ZNF569: variants seen among roughly 807,000 people sequenced by gnomAD.
The protein encoded by ZNF569 is zinc finger protein 569, also known as DNA-binding protein.
In ZNF569, 38 loss-of-function variants were observed where a neutral mutation model predicts 56.3. That is an observed-to-expected ratio of 0.68 (90% confidence interval 0.52 to 0.88). The LOEUF (loss-of-function observed/expected upper bound fraction) is 0.88, where lower values mean the gene tolerates loss of function less well. Ranked by LOEUF, ZNF569 falls within the 40% of genes least tolerant of loss-of-function variation. The pLI, the probability that ZNF569 is intolerant of heterozygous loss-of-function variation, is 0.00. For missense variants in ZNF569, 666 were observed against 809.2 expected (o/e 0.82, Z 2.15); for synonymous variants, 241 against 262.9 (o/e 0.92, Z 0.81).
chr19:37,458,990 G>C (rs796918457), intron 2 of ZNF569, among the ~76,000 whole-genome samples: 1 of 152,034 alleles, frequency 6.6e-6, no homozygotes, highest in East Asian at 1.9e-4. Context: ...AAAATGCACA[G>C]AGGAAAAAGA....
intron 3 of ZNF569, among the ~76,000 whole-genome samples, chr19:37,436,722 A>T (rs1305772108): frequency 6.6e-6 from 1 of 152,038 alleles, no homozygotes; most frequent in Non-Finnish European, 1.5e-5. Flanking sequence ...GAAAACCTAG[A>T]AGAAATAGAT....
At chr19:37,445,657 C>G (rs2041481323) in intron 2 of ZNF569, among the ~76,000 whole-genome samples, 1 of 152,064 alleles carries the variant, frequency 6.6e-6, no homozygotes, top group Admixed American at 6.5e-5. Flanking sequence ...CAACAGCAAC[C>G]AAGCTGAGAA....
chr19:37,457,008 C>T (rs1445205350), intron 2 of ZNF569, among the ~76,000 whole-genome samples: 2 of 151,282 alleles, frequency 1.3e-5, no homozygotes, highest in African/African-American at 4.9e-5. Context: ...AAAACTCAAA[C>T]TACAAAAATG....
intron 2 of ZNF569, among the ~76,000 whole-genome samples, chr19:37,453,203 C>T (rs2041622294): frequency 6.6e-6 from 1 of 152,162 alleles, no homozygotes; most frequent in African/African-American, 2.4e-5. Context: ...GTTAGGGCAT[C>T]TCTTCCTGAC....
chr19:37,424,335 T>C (rs2146883615), intron 5 of ZNF569, among the ~76,000 whole-genome samples: 1 of 152,254 alleles, frequency 6.6e-6, no homozygotes, highest in East Asian at 1.9e-4. Context: ...CTCCCGAAGA[T>C]GCTAATAATA....
At chr19:37,434,583 C>T (rs1281925532) in intron 3 of ZNF569, among the ~76,000 whole-genome samples, 4 of 152,152 alleles carry the variant, frequency 2.6e-5, no homozygotes, top group Non-Finnish European at 4.4e-5. Context: ...CCCAGCTACT[C>T]GGTGTCAAGC....
chr19:37,444,928 T>G lies in ZNF569; in HGVS notation c.-7A>C. On this transcript the variant is annotated 5_prime_UTR_variant, in exon 3 of 6. Coordinates refer to ENST00000316950, the MANE Select transcript of ZNF569 (RefSeq NM_152484.3). ...TTACCTGGGACTCAGTCATTTCCTC[T>G]TCTTTCTGGGAAGGGATGGGGCCTG... 1 of 1,608,886 alleles carries G rather than the reference T, an allele frequency of 6.2e-7. No homozygotes were observed. The highest frequency in any genetic ancestry group is 8.5e-7 in the Non-Finnish European group (1 of 1,178,068).
chr19:37,444,395 T>G (rs1156513478), intron 3 of ZNF569, among the ~76,000 whole-genome samples: 1 of 152,232 alleles, frequency 6.6e-6, no homozygotes, highest in Non-Finnish European at 1.5e-5. Flanking sequence ...TCTTTTTTAT[T>G]GTTAAGTAGT....
At position 37,413,632 on chromosome 19, in the gene ZNF569, A is replaced by G. The variant is rs1424391758; in HGVS notation, c.1026T>C (p.Ala342=). The change falls in exon 6 of 6, where the codon GCT becomes GCC. Residue 342 remains alanine (A), a synonymous_variant. Transcript: ENST00000316950. ...GKAFPRIASL[A]LHMRSHTGEK... ...CTCCTGTATGACTTCTCATATGAAGAGCAAGGGATGCAATTCGAGGGAAGG... is the reference window on the plus strand; with the variant it reads ...CTCCTGTATGACTTCTCATATGAAGGGCAAGGGATGCAATTCGAGGGAAGG... The G allele has an allele frequency of 2.5e-6, 4 of 1,614,012 alleles. No individual in the cohort carries two copies. The East Asian group carries it at 6.7e-5, about 27-fold the overall frequency.
intron 2 of ZNF569, chr19:37,455,019 T>G: frequency 1.8e-6 from 1 of 561,560 alleles, no homozygotes; most frequent in Non-Finnish European, 3.1e-6. Flanking sequence ...GGTAGAAGTT[T>G]GTAGTTTCCT....
chr19:37,421,743 CTTTTTTTTTTTT>C (rs748058159), intron 5 of ZNF569, among the ~76,000 whole-genome samples: 4 of 79,664 alleles, frequency 5.0e-5, no homozygotes, highest in Admixed American at 1.6e-4. Flanking sequence ...TGTAGTGGCA[CTTTTTTTTTTTT>C]TTTTTTTTTT....
At chr19:37,443,942 C>T (rs1035741798) in intron 3 of ZNF569, among the ~76,000 whole-genome samples, 24 of 151,914 alleles carry the variant, frequency 1.6e-4, no homozygotes, top group African/African-American at 4.4e-4. Flanking sequence ...CACTTGAACC[C>T]GGGAGGCAGA....
intron 2 of ZNF569, among the ~76,000 whole-genome samples, chr19:37,446,464 G>A (rs2041496381): frequency 6.6e-6 from 1 of 151,216 alleles, no homozygotes; most frequent in Non-Finnish European, 1.5e-5. Flanking sequence ...GCAGGAGAAT[G>A]GCGTGAACCT....
chr19:37,432,240 G>C (rs1451010243), intron 3 of ZNF569, among the ~76,000 whole-genome samples: 2 of 152,162 alleles, frequency 1.3e-5, no homozygotes, highest in Non-Finnish European at 2.9e-5. Context: ...TGCTGTGCTG[G>C]CTTCGTCTGA....
chr19:37,434,532 C>CA (rs1431555512), intron 3 of ZNF569, among the ~76,000 whole-genome samples: 1 of 152,008 alleles, frequency 6.6e-6, no homozygotes, highest in African/African-American at 2.4e-5. Context: ...ACTAAAAATA[C>CA]AAAAAAATTA....
chr19:37,464,704 G>C (rs1418868306), intron 2 of ZNF569, among the ~76,000 whole-genome samples: 7 of 152,050 alleles, frequency 4.6e-5, no homozygotes, highest in Non-Finnish European at 1.0e-4. Flanking sequence ...GTTCATACAA[G>C]GACAAAATTG....
intron 2 of ZNF569, among the ~76,000 whole-genome samples, chr19:37,448,369 A>G (rs1410521983): frequency 6.6e-6 from 1 of 152,100 alleles, no homozygotes; most frequent in Non-Finnish European, 1.5e-5. Flanking sequence ...AGTTGTTTGC[A>G]GTATTCTTTT....
At chr19:37,446,677 C>A (rs531231260) in intron 2 of ZNF569, among the ~76,000 whole-genome samples, 1 of 151,680 alleles carries the variant, frequency 6.6e-6, no homozygotes, top group Non-Finnish European at 1.5e-5. Flanking sequence ...AGATAACATT[C>A]GAAAAACCCT....
At chr19:37,468,484 G>A (rs983301878), upstream of ZNF569, among the ~76,000 whole-genome samples, 3 of 151,754 alleles carry the variant, frequency 2.0e-5, no homozygotes, top group African/African-American at 7.3e-5. Flanking sequence ...GATCATTTGA[G>A]GTCACGAGGT....
Sources: gnomAD v4.1 joint callset for allele counts (sites outside exome capture counted in the v4.1 genomes callset) on GRCh38, gnomAD v4.1.1 for gene constraint, MANE v1.5 for transcripts, NCBI Gene and HGNC (gene_info 2026-07-23, HGNC 2026-07-21) for gene names.